Variants in GLIS1 observed in about 807,000 individuals in gnomAD.
The protein encoded by GLIS1 is GLIS family zinc finger 1, also known as zinc finger protein GLIS1.
A neutral mutation model predicts 63.8 loss-of-function variants in GLIS1; 24 were observed. That is an observed-to-expected ratio of 0.38 (90% CI 0.27 to 0.53). GLIS1 has a LOEUF of 0.53. Among genes scored for constraint, GLIS1 ranks in the 20% least tolerant of loss-of-function variants. The pLI, the probability that GLIS1 is intolerant of heterozygous loss-of-function variation, is 0.85. For synonymous variants in GLIS1, 450 were observed against 482.5 expected (o/e 0.93, Z 0.88); for missense variants, 1,036 against 1,074.1 (o/e 0.96, Z 0.50).
At chr1:53,713,708 GCTGTGATTACACCA>G (rs1196020625) in intron 2 of GLIS1, among the ~76,000 whole-genome samples, 1 of 152,234 alleles carries the variant, frequency 6.6e-6, no homozygotes, top group Non-Finnish European at 1.5e-5. Context: ...GCTGCAGTGA[GCTGTGATTACACCA>G]CTGCAACTCC....
chr1:53,507,596 C>T (rs1351628401), intron 10 of GLIS1, among the ~76,000 whole-genome samples: 1 of 152,244 alleles, frequency 6.6e-6, no homozygotes, highest in African/African-American at 2.4e-5. Context: ...TGGGGTTGGG[C>T]TGAACTGTTC....
chr1:53,514,229 A>G (rs1453753879), intron 8 of GLIS1, among the ~76,000 whole-genome samples: 1 of 152,194 alleles, frequency 6.6e-6, no homozygotes, highest in Non-Finnish European at 1.5e-5. Context: ...GAGTGCGCGC[A>G]GTGGGCAGTC....
intron 3 of GLIS1, among the ~76,000 whole-genome samples, chr1:53,597,356 C>A: frequency 7.4e-6 from 1 of 136,052 alleles, no homozygotes. Context: ...CTGGGCGACA[C>A]AGCGAGACCC....
chr1:53,734,559 T>C (rs1646894907), intron 2 of GLIS1, among the ~76,000 whole-genome samples: 1 of 152,202 alleles, frequency 6.6e-6, no homozygotes, highest in Admixed American at 6.5e-5. Context: ...TGAACCTTAA[T>C]GTCTGCATCT....
At chr1:53,701,701 G>T (rs1050092542) in intron 2 of GLIS1, among the ~76,000 whole-genome samples, 2 of 152,122 alleles carry the variant, frequency 1.3e-5, no homozygotes, top group African/African-American at 2.4e-5. Context: ...GTTTGAAAAT[G>T]AAAGAACTGG....
chr1:53,702,603 G>A (rs187754672), intron 2 of GLIS1, among the ~76,000 whole-genome samples: 3 of 152,300 alleles, frequency 2.0e-5, no homozygotes, highest in Admixed American at 6.5e-5. Flanking sequence ...TCATAGCAAC[G>A]ACCTCAGATA....
intron 2 of GLIS1, among the ~76,000 whole-genome samples, chr1:53,714,521 G>C (rs1646678113): frequency 6.6e-6 from 1 of 152,186 alleles, no homozygotes; most frequent in South Asian, 2.1e-4. Context: ...AGCCCGCCTG[G>C]TCCTCAAGAC....
chr1:53,620,568 C>T (rs572647341), intron 2 of GLIS1, among the ~76,000 whole-genome samples: 8 of 152,382 alleles, frequency 5.2e-5, no homozygotes, highest in Non-Finnish European at 8.8e-5. Flanking sequence ...TTCGGCTCCA[C>T]GCACCGTAAA....
rs1457150204 is a variant in GLIS1 at position 53,737,900 on chromosome 1, G to A, written c.165C>T (p.Ala55=). The A allele has an allele frequency of 1.6e-6, 2 of 1,230,410 alleles. No individual in the cohort carries two copies. The highest frequency in any genetic ancestry group is 3.2e-5 in the East Asian group (1 of 31,628). 76.2% of individuals were successfully genotyped at this position (1,230,410 alleles called of 1,614,324 possible). Residue 55 remains alanine, a synonymous_variant, in exon 2 of 11, where the codon GCC becomes GCT. Coordinates refer to ENST00000628545, the MANE Select transcript of GLIS1 (RefSeq NM_001367484.1). ...CGDRGPRDLL[A]RPPAPPPRAH... ...CGCGCGGTGGCGGCGCAGGCGGCCG[G>A]GCTAGCAGGTCCCGCGGGCCCCTGT... is the stretch of plus-strand genomic sequence containing the variant.
In GLIS1 at chr1:53,511,951, T is replaced by C. The variant is rs908097497; in HGVS notation, c.1884-1924A>G. 2.0e-5 allele frequency among the ~76,000 whole-genome samples: 3 copies of C among 152,230 alleles called. No homozygotes were observed. The highest frequency in any genetic ancestry group is 4.4e-5 in the Non-Finnish European group (3 of 68,040). ...GTCACCCGGTGCCCAGCGCTGGGCA[T>C]GGCACACAGTGAAAAACCAATGACA... On this transcript the variant is annotated intron_variant, in intron 8 of 10. Coordinates refer to ENST00000628545, the MANE Select transcript of GLIS1 (RefSeq NM_001367484.1). This position sits in a 1 kb window ranked among gnomAD's most constrained non-coding sequence, Gnocchi z 4.2.
At chr1:53,611,830 CT>C (rs1032585205) in intron 2 of GLIS1, among the ~76,000 whole-genome samples, 1 of 152,038 alleles carries the variant, frequency 6.6e-6, no homozygotes, top group Non-Finnish European at 1.5e-5. Context: ...CTTCTTTTTT[CT>C]TTTTCTTCTT....
intron 2 of GLIS1, among the ~76,000 whole-genome samples, chr1:53,647,298 T>C (rs1645857221): frequency 6.6e-6 from 1 of 152,162 alleles, no homozygotes; most frequent in Non-Finnish European, 1.5e-5. Context: ...AAGGTAGATA[T>C]CAAGACTTAT....
intron 2 of GLIS1, among the ~76,000 whole-genome samples, chr1:53,673,428 G>C (rs1646177046): frequency 6.6e-6 from 1 of 152,224 alleles, no homozygotes; most frequent in Admixed American, 6.5e-5. Flanking sequence ...CACAGTGTAG[G>C]GGAACCGTGG....
Position 53,547,425 on chromosome 1 carries a change from C to T in GLIS1, c.1321-17473G>A, listed in dbSNP as rs74086358. On this transcript the variant is annotated intron_variant, in intron 4 of 10. Transcript: ENST00000628545. ...CAATGCACCCTGGTCTGGCCACCTCCATCTCCCCTCGTCAGCACGGAACCT... is the reference window on the plus strand; with the variant it reads ...CAATGCACCCTGGTCTGGCCACCTCTATCTCCCCTCGTCAGCACGGAACCT... Among the ~76,000 whole-genome samples the T allele has an allele frequency of 5.2e-3, 798 of 152,368 alleles. 7 individuals are homozygous for T. The highest frequency in any genetic ancestry group is 0.018 in the African/African-American group (756 of 41,580).
intron 2 of GLIS1, among the ~76,000 whole-genome samples, chr1:53,720,445 C>T (rs1234797185): frequency 6.6e-6 from 1 of 152,026 alleles, no homozygotes; most frequent in Non-Finnish European, 1.5e-5. Flanking sequence ...GAGCTAAAAA[C>T]ATTGTTCTCA....
At chr1:53,660,932 A>G (rs1456802025) in intron 2 of GLIS1, among the ~76,000 whole-genome samples, 1 of 152,152 alleles carries the variant, frequency 6.6e-6, no homozygotes, top group African/African-American at 2.4e-5. Context: ...AGGATTCACC[A>G]CAGGGGGAGG....
intron 2 of GLIS1, among the ~76,000 whole-genome samples, chr1:53,705,172 A>G (rs1646565969): frequency 6.6e-6 from 1 of 152,132 alleles, no homozygotes; most frequent in African/African-American, 2.4e-5. Context: ...TTCCACAGCT[A>G]CTATCGCATT....
intron 4 of GLIS1, among the ~76,000 whole-genome samples, chr1:53,557,072 A>G (rs1210633205): frequency 6.6e-6 from 1 of 151,464 alleles, no homozygotes; most frequent in Non-Finnish European, 1.5e-5. Context: ...ACTGCAGGTG[A>G]GCATATGTGT....
At chr1:53,569,914 T>C (rs577674113) in intron 4 of GLIS1, among the ~76,000 whole-genome samples, 36 of 152,074 alleles carry the variant, frequency 2.4e-4, no homozygotes, top group Non-Finnish European at 4.0e-4. Flanking sequence ...GAGAAAAATA[T>C]AAAACACTGT....
Sources: allele counts gnomAD v4.1 joint callset (sites outside exome capture counted in the v4.1 genomes callset), GRCh38; gene constraint gnomAD v4.1.1; non-coding constraint Gnocchi (gnomAD v3.1); transcripts MANE v1.5; gene names NCBI Gene and HGNC (gene_info 2026-07-23, HGNC 2026-07-21).